Variants in TERT observed in about 807,000 individuals in gnomAD.
The protein encoded by TERT is telomerase reverse transcriptase, also known as telomerase catalytic subunit.
TERT carries 42 observed loss-of-function variants against 104.0 expected under a neutral mutation model. The ratio of observed to expected loss-of-function variants is 0.40; its 90% CI spans 0.32 to 0.52. The LOEUF is 0.52. Among genes scored for constraint, TERT ranks in the 20% least tolerant of loss-of-function variants. TERT has a pLI of 0.43. For synonymous variants in TERT, 781 were observed against 725.6 expected (o/e 1.08, Z -1.23); for missense variants, 1,101 against 1,610.3 (o/e 0.68, Z 5.41).
intron 12 of TERT, among the ~76,000 whole-genome samples, chr5:1,259,937 G>C (rs1261029455): frequency 6.7e-6 from 1 of 150,200 alleles, no homozygotes; most frequent in Non-Finnish European, 1.5e-5. Flanking sequence ...CCACAGGAGA[G>C]GGGGTGTGGA....
At chr5:1,271,283 C>T (rs1238769502) in intron 7 of TERT, 79 bp from the exon 8 acceptor site, 61 of 1,022,558 alleles carry the variant, frequency 6.0e-5, no homozygotes, top group South Asian at 2.5e-4. Context: ...CAAGACCCTC[C>T]GTCCCTTTTG....
At chr5:1,264,316 C>T in intron 11 of TERT, 88 bp downstream of exon 11, 1 of 1,423,110 alleles carries the variant, frequency 7.0e-7, no homozygotes, top group Non-Finnish European at 9.6e-7. Context: ...TCGCCTGCCC[C>T]ACACGGAAGC....
chr5:1,283,931 T>C (rs6420020), intron 2 of TERT, among the ~76,000 whole-genome samples: 120,538 of 142,098 alleles, frequency 0.85, 50,554 homozygotes, highest in East Asian at 0.98. Context: ...AACCGGACAC[T>C]GCACAACCAG....
At position 1,294,957 on chromosome 5, in the gene TERT, G is replaced by A. The variant is rs1561215196; in HGVS notation, c.33C>T (p.Arg11=). 1 of 1,376,536 alleles carries A rather than the reference G, an allele frequency of 7.3e-7. No individual in the cohort carries two copies. The highest frequency in any genetic ancestry group is 9.3e-7 in the Non-Finnish European group (1 of 1,071,308). 85.3% of individuals were successfully genotyped at this position (1,376,536 alleles called of 1,614,324 possible). Residue 11 remains arginine (R), a synonymous_variant, in exon 1 of 16, where the codon CGC becomes CGT. Coordinates refer to ENST00000310581, the MANE Select transcript of TERT (RefSeq NM_198253.3). MPRAPRCRAV[R]SLLRSHYREV... is the part of the protein sequence containing the mutation. ...CGCGGTAGTGGCTGCGCAGCAGGGA[G>A]CGCACGGCTCGGCAGCGGGGAGCGC...
chr5:1,259,487 C>T (rs1477106458), intron 12 of TERT, among the ~76,000 whole-genome samples: 35 of 69,670 alleles, frequency 5.0e-4, no homozygotes, highest in Admixed American at 1.1e-3. Context: ...TGGACGCGGA[C>T]GCCCACAGGA....
rs759997978 is a variant in TERT, at chr5:1,293,295, C to A, written c.1573+18G>T. 1.9e-6 allele frequency: 3 copies of A among 1,611,886 alleles called. No individual in the cohort carries two copies. Among genetic ancestry groups the A allele is most frequent in the Admixed American group, 1.7e-5 (1 of 60,026 alleles). ...TCAGCTCTGGGGCCTGGGCCCTCGACGGCCACCACCTCCTCACCTGGGCTC... is the reference window on the plus strand; with the variant it reads ...TCAGCTCTGGGGCCTGGGCCCTCGAAGGCCACCACCTCCTCACCTGGGCTC... On this transcript the variant is annotated intron_variant, in intron 2 of 15. Coordinates refer to ENST00000310581, the MANE Select transcript of TERT (RefSeq NM_198253.3).
Position 1,271,045 on chromosome 5 carries a change from G to A in TERT, c.2468+74C>T. ...CAGAAGGGCAGTGGGGAAGGGGCAGGAGAGAGGTGAGCAGAAGCCCTGCCA... is the reference window on the plus strand; with the variant it reads ...CAGAAGGGCAGTGGGGAAGGGGCAGAAGAGAGGTGAGCAGAAGCCCTGCCA... On this transcript the variant is annotated intron_variant, in intron 8 of 15. Transcript: ENST00000310581. 6.6e-6 allele frequency: 8 copies of A among 1,219,360 alleles called. No homozygotes were observed. The South Asian group carries it at 9.9e-5, about 15-fold the overall frequency. 75.5% of individuals were successfully genotyped at this position (1,219,360 alleles called of 1,614,324 possible).
At chr5:1,259,676 G>A (rs1748061796) in intron 12 of TERT, among the ~76,000 whole-genome samples, 2 of 131,370 alleles carry the variant, frequency 1.5e-5, no homozygotes, top group African/African-American at 5.7e-5. Flanking sequence ...CACAGGAGAG[G>A]GGGAGTGGAC....
At position 1,280,138 on chromosome 5, in the gene TERT, T is replaced by C. The variant is rs764608907; in HGVS notation, c.1950+20A>G. 68 of 1,613,666 alleles carry C rather than the reference T, an allele frequency of 4.2e-5. No homozygotes were observed. The highest frequency in any genetic ancestry group is 5.4e-5 in the Non-Finnish European group (64 of 1,180,010). ...AACGCACTTCTGTTTAAAAAGGAAG[T>C]TAAACCAAAGCACAGCCACCCTCTT... On this transcript the variant is annotated intron_variant, in intron 4 of 15. Coordinates refer to ENST00000310581, the MANE Select transcript of TERT (RefSeq NM_198253.3).
chr5:1,258,545 A>C (rs955833048), intron 13 of TERT, 53 bp downstream of exon 13: 7 of 1,510,748 alleles, frequency 4.6e-6, no homozygotes, highest in Middle Eastern at 3.4e-4. Context: ...AGAGGTGAGC[A>C]GAGCGCGGAG....
At chr5:1,273,746 CA>C (rs1749315430) in intron 6 of TERT, among the ~76,000 whole-genome samples, 1 of 36,144 alleles carries the variant, frequency 2.8e-5, no homozygotes, top group South Asian at 9.1e-4. Flanking sequence ...CATCAGACCC[CA>C]CGACCGCCAT....
rs780149331 is a variant in TERT at position 1,286,801 on chromosome 5, C to T, written c.1574-4177G>A. Among the ~76,000 whole-genome samples the T allele has an allele frequency of 2.0e-5, 3 of 152,074 alleles. No homozygotes were observed. Among genetic ancestry groups the T allele is most frequent in the South Asian group, 2.1e-4 (1 of 4,814 alleles). Reference sequence around the variant, plus strand: ...GTTGAGGAATGAGAACTGCTTGAACCGAGGAGGCAGAGGTTGCAGTGAGCC... The same window carrying T: ...GTTGAGGAATGAGAACTGCTTGAACTGAGGAGGCAGAGGTTGCAGTGAGCC... On this transcript the variant is annotated intron_variant, in intron 2 of 15. Coordinates refer to ENST00000310581, the MANE Select transcript of TERT (RefSeq NM_198253.3). The surrounding 1 kb of genome is among the most constrained non-coding windows in gnomAD (Gnocchi z 5.3).
At position 1,293,429 on chromosome 5, in the gene TERT, C is replaced by A; in HGVS notation, c.1457G>T (p.Arg486Leu). Reference sequence around the variant, plus strand: ...GAACTTCTTGGTGTTCCTGAGGAAGCGGCGTTCGTTGTGCCTGGAGCCCCA... The same window carrying A: ...GAACTTCTTGGTGTTCCTGAGGAAGAGGCGTTCGTTGTGCCTGGAGCCCCA... Reference protein sequence around the residue: ...GLWGSRHNERRFLRNTKKFIS... With the variant: ...GLWGSRHNERLFLRNTKKFIS... The change falls in exon 2 of 16, where the codon CGC becomes CTC. Residue 486 changes from arginine (R) to leucine (L), a missense_variant. Physicochemically the swap from Arg to Leu is moderately radical, Grantham distance 102. Around this residue, in one of 5 missense-constraint regions of TERT, gnomAD observed 504 missense variants for 544.6 expected, o/e 0.93. Coordinates refer to ENST00000310581, the MANE Select transcript of TERT (RefSeq NM_198253.3). The A allele has an allele frequency of 6.2e-7, 1 of 1,612,606 alleles. No individual in the cohort carries two copies. Among genetic ancestry groups the A allele is most frequent in the African/African-American group, 1.3e-5 (1 of 75,064 alleles).
At chr5:1,284,553 C>T (rs75211720) in intron 2 of TERT, among the ~76,000 whole-genome samples, 4 of 64,266 alleles carry the variant, frequency 6.2e-5, no homozygotes, top group African/African-American at 1.1e-4. Context: ...TCCAGCTCAC[C>T]GCAGGGTCTG....
intron 3 of TERT, among the ~76,000 whole-genome samples, chr5:1,281,398 C>T (rs2126647184): frequency 6.6e-6 from 1 of 152,280 alleles, no homozygotes; most frequent in Non-Finnish European, 1.5e-5. Context: ...TGTCACAAGG[C>T]CCCCCAGGGA....
In TERT at chr5:1,286,049, C is replaced by T. The variant is rs889894706; in HGVS notation, c.1574-3425G>A. The stretch of plus-strand genomic sequence containing the variant: ...TTGCGCGATTTCAAACTCGACACCG[C>T]GGAGCCACCAGACCCCGACATGCCT... On this transcript the variant is annotated intron_variant, in intron 2 of 15. Coordinates refer to ENST00000310581, the MANE Select transcript of TERT (RefSeq NM_198253.3). The surrounding 1 kb of genome is among the most constrained non-coding windows in gnomAD (Gnocchi z 5.3). Among the ~76,000 whole-genome samples, 13 of 152,100 alleles carry T rather than the reference C, an allele frequency of 8.5e-5. No homozygotes were observed. The highest frequency in any genetic ancestry group is 4.1e-4 in the South Asian group (2 of 4,830).
In TERT at chr5:1,279,434, T is replaced by C. The variant is rs1749860434; in HGVS notation, c.1987A>G (p.Ser663Gly). 1.3e-6 allele frequency: 2 copies of C among 1,550,840 alleles called. No individual in the cohort carries two copies. The highest frequency in any genetic ancestry group is 1.2e-5 in the South Asian group (1 of 84,166). ...RLTSRVKALF[S>G]VLNYERARRP... ...CGCGCCCGCTCGTAGTTGAGCACGC[T>C]GAACAGTGCCTTCACCCTCGAGGTG... Residue 663 changes from serine (S) to glycine (G), a missense_variant, in exon 5 of 16, where the codon AGC becomes GGC. Ser to Gly is a moderately conservative substitution (Grantham distance 56). This residue lies in a region of TERT where 463 missense variants were observed against 797.5 expected (regional missense o/e 0.58). Coordinates refer to ENST00000310581, the MANE Select transcript of TERT (RefSeq NM_198253.3).
intron 9 of TERT, among the ~76,000 whole-genome samples, 199 bp from the exon 10 acceptor site, chr5:1,266,734 A>G (rs546689322): frequency 1.6e-4 from 25 of 152,322 alleles, no homozygotes; most frequent in African/African-American, 5.5e-4. Context: ...CTCATTCATT[A>G]TAAGTACTCA....
At position 1,256,946 on chromosome 5, in the gene TERT, C is replaced by T. The variant is rs1275449069; in HGVS notation, c.3033-1535G>A. Among the ~76,000 whole-genome samples, 5 of 152,264 alleles carry T rather than the reference C, an allele frequency of 3.3e-5. No homozygotes were observed. The highest frequency in any genetic ancestry group is 3.9e-4 in the East Asian group (2 of 5,140). On this transcript the variant is annotated intron_variant, in intron 13 of 15. Transcript: ENST00000310581. This position sits in a 1 kb window ranked among gnomAD's most constrained non-coding sequence, Gnocchi z 7.0. Reference sequence around the variant, plus strand: ...GATTTGAATCAGACCCCGCCCCCAGCGCCACGTGGACCACCACAGCCTCGC... The same window carrying T: ...GATTTGAATCAGACCCCGCCCCCAGTGCCACGTGGACCACCACAGCCTCGC...
Sources: gnomAD v4.1 joint callset for allele counts (sites outside exome capture counted in the v4.1 genomes callset) on GRCh38, gnomAD v4.1.1 for gene constraint, gnomAD v4.1.1 regional missense constraint, Gnocchi (gnomAD v3.1) non-coding constraint, MANE v1.5 for transcripts, NCBI Gene and HGNC (gene_info 2026-07-23, HGNC 2026-07-21) for gene names.